Variants in LIMCH1 observed in about 807,000 individuals in gnomAD.
LIMCH1 encodes LIM and calponin homology domains-containing protein 1.
A neutral mutation model predicts 176.5 loss-of-function variants in LIMCH1; 113 were observed. That is an observed-to-expected ratio of 0.64 (90% CI 0.55 to 0.75). The LOEUF is 0.75. Among genes scored for constraint, LIMCH1 ranks in the 30% least tolerant of loss-of-function variants. The probability of loss-of-function intolerance (pLI) is 0.00; values close to 1 mark genes in which losing one functional copy is unlikely to be tolerated. For missense variants in LIMCH1, 1,674 were observed against 1,814.9 expected, an observed-to-expected ratio of 0.92 and a Z score of 1.41; for synonymous variants, 619 against 645.9, an observed-to-expected ratio of 0.96 and a Z score of 0.63.
At chr4:41,676,000 A>G (rs1486380513) in intron 22 of LIMCH1, among the ~76,000 whole-genome samples, 1 of 152,228 alleles carries the variant, frequency 6.6e-6, no homozygotes, top group Admixed American at 6.5e-5. Flanking sequence ...CATTTCTGCT[A>G]AAATAACTGG....
Position 41,697,374 on chromosome 4 carries a change from T to G in LIMCH1, c.*189T>G, listed in dbSNP as rs557175358. ...TTTTTCCTGTTTATTGTTTTGGTTT[T>G]TTTTTTTTTTTTGCATTTGCACAGT... On this transcript the variant is annotated 3_prime_UTR_variant, in exon 32 of 32. Transcript: ENST00000503057. 4.0e-5 allele frequency: 22 copies of G among 550,772 alleles called. No individual in the cohort carries two copies. In the South Asian group the frequency reaches 5.6e-4, roughly 14 times the overall value. 34.1% of individuals were successfully genotyped at this position (550,772 alleles called of 1,614,324 possible).
At chr4:41,412,767 G>C (rs1013608646) in intron 1 of LIMCH1, among the ~76,000 whole-genome samples, 1 of 152,204 alleles carries the variant, frequency 6.6e-6, no homozygotes, top group Non-Finnish European at 1.5e-5. Flanking sequence ...CTGGATTCAA[G>C]TACACTTGAC....
At chr4:41,361,567 C>G (rs2052059155) in intron 1 of LIMCH1, among the ~76,000 whole-genome samples, 1 of 152,164 alleles carries the variant, frequency 6.6e-6, no homozygotes, top group South Asian at 2.1e-4. Context: ...TTTGGCAACC[C>G]CCGCCCCTCT....
intron 1 of LIMCH1, among the ~76,000 whole-genome samples, chr4:41,385,184 T>G (rs922524128): frequency 3.9e-5 from 6 of 152,336 alleles, no homozygotes; most frequent in African/African-American, 1.4e-4. Context: ...ATGCACTTCC[T>G]TCATCTGTTA....
intron 1 of LIMCH1, among the ~76,000 whole-genome samples, chr4:41,410,412 C>T (rs965326132): frequency 2.6e-5 from 4 of 152,294 alleles, no homozygotes; most frequent in South Asian, 4.1e-4. Context: ...GTTTACTTCT[C>T]CTGTTCCATT....
At chr4:41,367,358 A>G (rs916743784) in intron 1 of LIMCH1, among the ~76,000 whole-genome samples, 5 of 152,148 alleles carry the variant, frequency 3.3e-5, no homozygotes, top group African/African-American at 4.8e-5. Context: ...TTAAGAATAA[A>G]ATATTGGTTA....
In LIMCH1 at chr4:41,593,467, A is replaced by T. The variant is rs572731340; in HGVS notation, c.-240-5453A>T. ...GCCATGAGTTTGCAGTGGTCATCTC[A>T]GAGGTGACAACCATTTTTCCTTGAA... On this transcript the variant is annotated intron_variant, in intron 1 of 31. Coordinates refer to ENST00000503057, the MANE Select transcript of LIMCH1 (RefSeq NM_001330672.2). 1.4e-4 allele frequency among the ~76,000 whole-genome samples: 22 copies of T among 152,334 alleles called. No homozygotes were observed. In the East Asian group the frequency reaches 3.7e-3, roughly 25 times the overall value.
At chr4:41,660,998 G>T (rs1585494912) in intron 18 of LIMCH1, among the ~76,000 whole-genome samples, 1 of 152,182 alleles carries the variant, frequency 6.6e-6, no homozygotes, top group African/African-American at 2.4e-5. Context: ...ATCCACAATG[G>T]TAAGGGCCAC....
At chr4:41,428,935 A>G (rs1401195447) in intron 1 of LIMCH1, among the ~76,000 whole-genome samples, 3 of 152,166 alleles carry the variant, frequency 2.0e-5, no homozygotes, top group African/African-American at 4.8e-5. Flanking sequence ...TTCCTTTCCC[A>G]TCTCAAGCAT....
intron 1 of LIMCH1, among the ~76,000 whole-genome samples, chr4:41,455,937 G>C (rs755469110): frequency 6.6e-6 from 1 of 152,154 alleles, no homozygotes; most frequent in African/African-American, 2.4e-5. Context: ...AAAATGACTA[G>C]TAAAATTACT....
chr4:41,546,879 G>C (rs190018681), intron 1 of LIMCH1, among the ~76,000 whole-genome samples: 9 of 152,260 alleles, frequency 5.9e-5, no homozygotes, highest in Admixed American at 3.3e-4. Flanking sequence ...GAAAGAGAGA[G>C]AGAGGTTGAG....
At chr4:41,406,599 A>G (rs2058984930) in intron 1 of LIMCH1, among the ~76,000 whole-genome samples, 1 of 152,146 alleles carries the variant, frequency 6.6e-6, no homozygotes, top group Non-Finnish European at 1.5e-5. Flanking sequence ...ATATTAATGG[A>G]AAAAAATTAT....
chr4:41,367,866 TAA>T (rs750045066), intron 1 of LIMCH1, among the ~76,000 whole-genome samples: 10,161 of 90,780 alleles, frequency 0.11, 370 homozygotes, highest in African/African-American at 0.19. Flanking sequence ...GACTCCATCA[TAA>T]AAAAAAAAAA....
At chr4:41,527,438 A>C (rs2076770295) in intron 3 of LIMCH1, among the ~76,000 whole-genome samples, 1 of 152,222 alleles carries the variant, frequency 6.6e-6, no homozygotes, top group South Asian at 2.1e-4. Flanking sequence ...CTAAGAAATC[A>C]CAGCAGTTCT....
intron 1 of LIMCH1, among the ~76,000 whole-genome samples, chr4:41,461,106 A>G (rs1404836184): frequency 6.6e-6 from 1 of 152,236 alleles, no homozygotes; most frequent in Non-Finnish European, 1.5e-5. Context: ...TCTAAACACC[A>G]GCACTTCCTA....
At chr4:41,615,591 A>G (rs1167739450) in intron 5 of LIMCH1, among the ~76,000 whole-genome samples, 2 of 152,230 alleles carry the variant, frequency 1.3e-5, no homozygotes, top group East Asian at 3.8e-4. Context: ...AAAGAAAAAC[A>G]ACACATTTAT....
At chr4:41,460,246 A>G (rs2065127331) in intron 1 of LIMCH1, among the ~76,000 whole-genome samples, 1 of 152,010 alleles carries the variant, frequency 6.6e-6, no homozygotes. Flanking sequence ...TCAGTTTCTC[A>G]GTGCACTAGC....
intron 1 of LIMCH1, among the ~76,000 whole-genome samples, chr4:41,422,917 C>T (rs1229166168): frequency 2.0e-5 from 3 of 152,074 alleles, no homozygotes. Context: ...GCCACCACAC[C>T]CAGCTAATGT....
upstream of LIMCH1, among the ~76,000 whole-genome samples, chr4:41,537,569 C>G (rs1280671863): frequency 1.3e-5 from 2 of 152,144 alleles, no homozygotes; most frequent in African/African-American, 4.8e-5. Context: ...ATTCAAAACA[C>G]TGAAGGAATA....
Sources: allele counts gnomAD v4.1 joint callset (sites outside exome capture counted in the v4.1 genomes callset), GRCh38; gene constraint gnomAD v4.1.1; transcripts MANE v1.5; gene names NCBI Gene and HGNC (gene_info 2026-07-23, HGNC 2026-07-21).